GTF2F2: variants seen among roughly 807,000 people sequenced by gnomAD.
GTF2F2 encodes the protein ATP-dependent helicase GTF2F2.
In GTF2F2, 23 loss-of-function variants were observed where a neutral mutation model predicts 42.2. That is an observed-to-expected ratio of 0.55 (90% CI 0.39 to 0.77). The LOEUF (loss-of-function observed/expected upper bound fraction) is 0.77. Among genes scored for constraint, GTF2F2 ranks in the 30% least tolerant of loss-of-function variants. GTF2F2 has a pLI of 0.00. For missense variants in GTF2F2, 261 were observed against 287.2 expected (o/e 0.91, Z 0.66); for synonymous variants, 105 against 100.8 (o/e 1.04, Z -0.25).
chr13:45,241,007 G>A (rs1875271925), intron 5 of GTF2F2, among the ~76,000 whole-genome samples: 2 of 148,468 alleles, frequency 1.3e-5, no homozygotes, highest in Admixed American at 1.3e-4. Context: ...GAAAAAATTA[G>A]TCGGGTGTGG....
intron 4 of GTF2F2, among the ~76,000 whole-genome samples, chr13:45,181,200 A>AACAAAAAAAC (rs1555267023): frequency 2.9e-4 from 38 of 132,828 alleles, no homozygotes; most frequent in African/African-American, 1.1e-3. Flanking sequence ...AAAAAAAAAA[A>AACAAAAAAAC]AAACCAGAAA....
intron 7 of GTF2F2, among the ~76,000 whole-genome samples, chr13:45,276,145 T>A (rs984834504): frequency 2.6e-5 from 4 of 152,206 alleles, no homozygotes; most frequent in Non-Finnish European, 5.9e-5. Flanking sequence ...AGATTTTTGA[T>A]CTGCCATTAG....
At chr13:45,217,879 G>A (rs1033670348) in intron 5 of GTF2F2, among the ~76,000 whole-genome samples, 1 of 152,082 alleles carries the variant, frequency 6.6e-6, no homozygotes, top group African/African-American at 2.4e-5. Flanking sequence ...CTGTCTTTAG[G>A]TGTCTACTTT....
At chr13:45,223,504 A>G (rs1030115426) in intron 5 of GTF2F2, among the ~76,000 whole-genome samples, 1 of 152,198 alleles carries the variant, frequency 6.6e-6, no homozygotes, top group African/African-American at 2.4e-5. Context: ...AATTCTTATT[A>G]CATAATTATA....
chr13:45,219,057 C>T (rs1874004876), intron 5 of GTF2F2, among the ~76,000 whole-genome samples: 1 of 151,640 alleles, frequency 6.6e-6, no homozygotes, highest in Admixed American at 6.6e-5. Flanking sequence ...AAAAAGGCTG[C>T]TCAAAGGAAA....
chr13:45,125,610 C>T (rs570152401), intron 1 of GTF2F2, among the ~76,000 whole-genome samples: 1 of 152,218 alleles, frequency 6.6e-6, no homozygotes, highest in Non-Finnish European at 1.5e-5. Context: ...GTGTGAGCCA[C>T]TGTGCCCAGC....
rs757503867 is a variant in GTF2F2 at position 45,200,853 on chromosome 13, C to CT, written c.305-6567dup. Among the ~76,000 whole-genome samples, 64 of 152,294 alleles carry CT rather than the reference C, an allele frequency of 4.2e-4. 1 individual carries two copies. Among genetic ancestry groups the CT allele is most frequent in the Middle Eastern group, 3.4e-3 (1 of 294 alleles). ...TTCTTGAAAAGATTATTTCTTCAGT[C>CT]TTTTCCCAGAGAGTGTCGACACAGG... On this transcript the variant is annotated intron_variant, in intron 4 of 7. Transcript: ENST00000340473.
At chr13:45,250,051 CTTTTT>C (rs780347641) in intron 5 of GTF2F2, among the ~76,000 whole-genome samples, 1 of 100,858 alleles carries the variant, frequency 9.9e-6, no homozygotes, top group Non-Finnish European at 1.9e-5. Context: ...TGCCTTATCT[CTTTTT>C]TTTTTTTTTT....
intron 5 of GTF2F2, among the ~76,000 whole-genome samples, chr13:45,246,212 C>T (rs1295469347): frequency 2.0e-5 from 3 of 151,710 alleles, no homozygotes; most frequent in Non-Finnish European, 4.4e-5. Context: ...GGGGTTTCAT[C>T]GTGTTGTCCA....
intron 2 of GTF2F2, among the ~76,000 whole-genome samples, chr13:45,138,664 G>A (rs1327258294): frequency 1.3e-5 from 2 of 152,080 alleles, no homozygotes; most frequent in Non-Finnish European, 2.9e-5. Flanking sequence ...ATTATTTTTC[G>A]AGACAATGTC....
intron 4 of GTF2F2, among the ~76,000 whole-genome samples, chr13:45,174,648 T>TTTTA (rs1566123396): frequency 6.7e-6 from 1 of 149,812 alleles, no homozygotes; most frequent in African/African-American, 2.4e-5. Context: ...TTTTTTTTTT[T>TTTTA]TTTTTTTAGA....
At chr13:45,231,094 A>AT (rs1223400327) in intron 5 of GTF2F2, among the ~76,000 whole-genome samples, 1 of 151,156 alleles carries the variant, frequency 6.6e-6, no homozygotes, top group Non-Finnish European at 1.5e-5. Context: ...CTATTTATTT[A>AT]TTTTTTTATT....
intron 2 of GTF2F2, among the ~76,000 whole-genome samples, chr13:45,147,707 G>A (rs1021488914): frequency 4.6e-5 from 7 of 152,110 alleles, no homozygotes; most frequent in African/African-American, 1.2e-4. Flanking sequence ...ACAAATCTGC[G>A]GAAAAATCTG....
chr13:45,143,789 A>G (rs555070112), intron 2 of GTF2F2, among the ~76,000 whole-genome samples: 1 of 152,194 alleles, frequency 6.6e-6, no homozygotes, highest in Non-Finnish European at 1.5e-5. Context: ...TTAATACTCG[A>G]AAAAAGGAGA....
At chr13:45,175,184 A>G (rs943841741) in intron 4 of GTF2F2, among the ~76,000 whole-genome samples, 3 of 152,202 alleles carry the variant, frequency 2.0e-5, no homozygotes, top group African/African-American at 7.2e-5. Context: ...TATGAGTGAG[A>G]ACATATGATA....
chr13:45,204,863 A>G (rs370205312), intron 4 of GTF2F2, among the ~76,000 whole-genome samples: 1 of 152,288 alleles, frequency 6.6e-6, no homozygotes, highest in South Asian at 2.1e-4. Flanking sequence ...TGAAAAGAAG[A>G]TATGATAGAA....
chr13:45,208,726 G>C (rs994288536), intron 5 of GTF2F2, among the ~76,000 whole-genome samples: 1 of 152,128 alleles, frequency 6.6e-6, no homozygotes. Context: ...AATTAGATTA[G>C]ACTGTCTCCT....
Position 45,135,747 on chromosome 13 carries a change from G to A in GTF2F2, c.67-986G>A, listed in dbSNP as rs150582376. 9.1e-3 allele frequency among the ~76,000 whole-genome samples: 1,383 copies of A among 152,170 alleles called. 29 individuals carry two copies. The highest frequency in any genetic ancestry group is 0.032 in the African/African-American group (1,321 of 41,508). ...AGAATTTCTTTCCTTCTCAGCTTTGGCAGCTAGACTGTCACTCCAAATTTG... is the reference window on the plus strand; with the variant it reads ...AGAATTTCTTTCCTTCTCAGCTTTGACAGCTAGACTGTCACTCCAAATTTG... On this transcript the variant is annotated intron_variant, in intron 1 of 7. Transcript: ENST00000340473.
At chr13:45,150,784 T>G (rs1033820645) in intron 3 of GTF2F2, among the ~76,000 whole-genome samples, 1 of 151,332 alleles carries the variant, frequency 6.6e-6, no homozygotes, top group African/African-American at 2.4e-5. Context: ...CCTCAAGTGA[T>G]CAGCCCACCT....
Sources: allele counts gnomAD v4.1 joint callset (sites outside exome capture counted in the v4.1 genomes callset), GRCh38; gene constraint gnomAD v4.1.1; transcripts MANE v1.5; gene names NCBI Gene and HGNC (gene_info 2026-07-23, HGNC 2026-07-21).